Variants in NACC2 observed in about 807,000 individuals in gnomAD.
The protein encoded by NACC2 is NACC family member 2.
NACC2 carries 8 observed loss-of-function variants against 25.1 expected under a neutral mutation model. The ratio of observed to expected loss-of-function variants is 0.32; its 90% CI spans 0.19 to 0.57. NACC2 has a LOEUF of 0.57. Among genes scored for constraint, NACC2 ranks in the 20% least tolerant of loss-of-function variants. The pLI is 0.89. For missense variants in NACC2, 644 were observed against 650.2 expected (o/e 0.99, Z 0.10); for synonymous variants, 435 against 294.7 (o/e 1.48, Z -4.88).
intron 2 of NACC2, among the ~76,000 whole-genome samples, chr9:136,048,998 C>T (rs1344095828): frequency 1.3e-5 from 2 of 152,338 alleles, no homozygotes; most frequent in South Asian, 2.1e-4. Context: ...GACACCCGAT[C>T]CTGGGCACCA....
chr9:136,027,278 G>A (rs1840406707), intron 2 of NACC2, among the ~76,000 whole-genome samples: 2 of 152,120 alleles, frequency 1.3e-5, no homozygotes, highest in African/African-American at 2.4e-5. Flanking sequence ...CAAAACCCAA[G>A]AGAAAACCTC....
In NACC2 at chr9:136,007,631, C is replaced by G. The variant is rs1840044488; in HGVS notation, c.*3885G>C. On this transcript the variant is annotated 3_prime_UTR_variant, in exon 6 of 6. Transcript: ENST00000277554. ...ACATGACAAAAGTATGCAGCAGCAA[C>G]ATTCTGAAACAGTAGTTACAGCTGA... The G allele has an allele frequency of 6.6e-6, 1 of 152,260 alleles. No individual in the cohort carries two copies. The highest frequency in any genetic ancestry group is 6.5e-5 in the Admixed American group (1 of 15,282). The allele number at this position is 152,260 out of a possible 1,614,324, so 9.4% of individuals were successfully genotyped here.
chr9:136,089,644 C>T (rs1399743401), intron 1 of NACC2, among the ~76,000 whole-genome samples: 1 of 151,906 alleles, frequency 6.6e-6, no homozygotes, highest in Non-Finnish European at 1.5e-5. Context: ...TTGGGGGAGG[C>T]CCTGGGTGAC....
intron 1 of NACC2, among the ~76,000 whole-genome samples, chr9:136,067,944 G>A (rs1199867756): frequency 6.6e-6 from 1 of 152,212 alleles, no homozygotes; most frequent in Non-Finnish European, 1.5e-5. Flanking sequence ...TTACTGTACT[G>A]AATAGCATAG....
In NACC2 at chr9:136,013,902, C is replaced by T. The variant is rs970069365; in HGVS notation, c.1119G>A (p.Lys373=). 1 of 1,612,838 alleles carries T rather than the reference C, an allele frequency of 6.2e-7. No homozygotes were observed. The highest frequency in any genetic ancestry group is 1.3e-5 in the African/African-American group (1 of 74,930). The change falls in exon 4 of 6, where the codon AAG becomes AAA. Residue 373 remains lysine (K), a synonymous_variant. Transcript: ENST00000277554. This position sits in a 1 kb window ranked among gnomAD's most constrained non-coding sequence, Gnocchi z 6.6. Reference sequence around the variant, plus strand: ...TGGCCAGGAGCCTCCGCAGCAAGACCTTATGCTTCACCCCTGCACACAGGT... The same window carrying T: ...TGGCCAGGAGCCTCCGCAGCAAGACTTTATGCTTCACCCCTGCACACAGGT... The part of the protein sequence containing the change: ...NCHLCAGVKH[K]VLLRRLLATF...
chr9:136,038,636 A>G (rs950700046), intron 2 of NACC2, among the ~76,000 whole-genome samples: 15 of 152,378 alleles, frequency 9.8e-5, no homozygotes, highest in Admixed American at 2.0e-4. Context: ...TTAAAAATGG[A>G]AAAAGATTAC....
Position 136,049,717 on chromosome 9 carries a change from C to T in NACC2, c.805G>A (p.Glu269Lys). Reference protein sequence around the residue: ...SPTSYHNEEDEEDDEAYDTMV... With the variant: ...SPTSYHNEEDKEDDEAYDTMV... ...GTGTCGTAGGCCTCGTCGTCCTCCT[C>T]GTCCTCCTCGTTGTGGTACGAGGTG... The change falls in exon 2 of 6, where the codon GAG (glutamate) becomes AAG (lysine). Residue 269 changes from glutamate (E) to lysine (K), a missense_variant. Physicochemically the swap from Glu to Lys is moderately conservative, Grantham distance 56 (BLOSUM62 1). Transcript: ENST00000277554. 2 of 779,348 alleles carry T rather than the reference C, an allele frequency of 2.6e-6. No homozygotes were observed. Among genetic ancestry groups the T allele is most frequent in the South Asian group, 1.3e-5 (1 of 74,518 alleles). 48.3% of individuals were successfully genotyped at this position (779,348 alleles called of 1,614,324 possible).
intron 1 of NACC2, among the ~76,000 whole-genome samples, chr9:136,075,784 CAG>C (rs1183023605): frequency 1.3e-5 from 2 of 152,216 alleles, no homozygotes; most frequent in East Asian, 3.8e-4. Context: ...ACCTCAGAGA[CAG>C]GGGTCTTGGG....
intron 2 of NACC2, among the ~76,000 whole-genome samples, chr9:136,024,136 A>AGAGT (rs1840338955): frequency 7.5e-6 from 1 of 134,164 alleles, no homozygotes; most frequent in African/African-American, 3.0e-5. Context: ...GTGTGAGGAC[A>AGAGT]GTGTGTGTGT....
Position 136,018,901 on chromosome 9 carries a change from C to T in NACC2, c.887-2472G>A, listed in dbSNP as rs562750200. ...AAGAGTTCACCAACAGAAATAATTC[C>T]CCATCCACAACCACCTCGTCTCGAG... On this transcript the variant is annotated intron_variant, in intron 2 of 5. Transcript: ENST00000277554. This position sits in a 1 kb window ranked among gnomAD's most constrained non-coding sequence, Gnocchi z 4.4. Among the ~76,000 whole-genome samples, 2 of 152,246 alleles carry T rather than the reference C, an allele frequency of 1.3e-5. No homozygotes were observed. The highest frequency in any genetic ancestry group is 1.3e-4 in the Admixed American group (2 of 15,298).
chr9:136,052,086 G>T (rs1044458879), intron 1 of NACC2, among the ~76,000 whole-genome samples: 1 of 152,238 alleles, frequency 6.6e-6, no homozygotes, highest in Non-Finnish European at 1.5e-5. Flanking sequence ...TTTGATTTGG[G>T]AGCCGAAGTA....
At chr9:136,067,083 C>CT (rs999696197) in intron 1 of NACC2, among the ~76,000 whole-genome samples, 5 of 152,070 alleles carry the variant, frequency 3.3e-5, no homozygotes, top group African/African-American at 9.6e-5. Context: ...GTCGAAACCC[C>CT]GTCTCTACTA....
rs1588574168 is a variant in NACC2 at position 136,055,952 on chromosome 9, A to G, written c.-59-5372T>C. ...GGTGCTCTGGAGTCAGCAGGAGCAC[A>G]GGGGGTGTTAGGAATACAGTCTGGG... On this transcript the variant is annotated intron_variant, in intron 1 of 5. Coordinates refer to ENST00000277554, the MANE Select transcript of NACC2 (RefSeq NM_144653.5). This position sits in a 1 kb window ranked among gnomAD's most constrained non-coding sequence, Gnocchi z 4.9. 6.6e-6 allele frequency among the ~76,000 whole-genome samples: 1 copy of G among 152,166 alleles called. No individual in the cohort carries two copies. The highest frequency in any genetic ancestry group is 2.4e-5 in the African/African-American group (1 of 41,436).
intron 2 of NACC2, among the ~76,000 whole-genome samples, chr9:136,044,374 G>A (rs968236644): frequency 2.0e-5 from 3 of 152,284 alleles, no homozygotes; most frequent in African/African-American, 7.2e-5. Context: ...AATTAGCTGG[G>A]CATAGCGGCA....
chr9:136,085,137 A>ATTTTTTTTT lies in NACC2; in HGVS notation c.-60+10043_-60+10051dup, dbSNP rs913472378. ...AACATAGGAAGACTCCATTTCTACA[A>ATTTTTTTTT]TTTTTTTTTTTTTTTTTTTTTTTTT... On this transcript the variant is annotated intron_variant, in intron 1 of 5. Coordinates refer to ENST00000277554, the MANE Select transcript of NACC2 (RefSeq NM_144653.5). Among the ~76,000 whole-genome samples, 11 of 82,790 alleles carry ATTTTTTTTT rather than the reference A, an allele frequency of 1.3e-4. 1 individual carries two copies. Among genetic ancestry groups the ATTTTTTTTT allele is most frequent in the East Asian group, 4.1e-4 (1 of 2,468 alleles). 54.3% of individuals were successfully genotyped at this position (82,790 alleles called of 152,430 possible). A position where few individuals can be genotyped will look rare whatever the true frequency, so the allele number is the denominator to read the frequency against.
At position 136,013,404 on chromosome 9, in the gene NACC2, T is replaced by C; in HGVS notation, c.1158-108A>G. 2.0e-6 allele frequency: 2 copies of C among 979,786 alleles called. No homozygotes were observed. Among genetic ancestry groups the C allele is most frequent in the South Asian group, 1.5e-5 (1 of 67,372 alleles). The allele number at this position is 979,786 out of a possible 1,614,324, so 60.7% of individuals were successfully genotyped here. A position where few individuals can be genotyped will look rare whatever the true frequency, so the allele number is the denominator to read the frequency against. Reference sequence around the variant, plus strand: ...CTGGGAGGCCACTTGGCCTCACCCTTGGCTGGTCTGCGTGTGTCCCAGTGG... The same window carrying C: ...CTGGGAGGCCACTTGGCCTCACCCTCGGCTGGTCTGCGTGTGTCCCAGTGG... On this transcript the variant is annotated intron_variant, in intron 4 of 5. Coordinates refer to ENST00000277554, the MANE Select transcript of NACC2 (RefSeq NM_144653.5). The surrounding 1 kb of genome is among the most constrained non-coding windows in gnomAD (Gnocchi z 6.6).
At chr9:136,083,941 G>T (rs1830352265) in intron 1 of NACC2, among the ~76,000 whole-genome samples, 1 of 152,116 alleles carries the variant, frequency 6.6e-6, no homozygotes, top group African/African-American at 2.4e-5. Context: ...TGCAGTCAAA[G>T]CTGAGAAAGC....
rs1305845535 is a variant in NACC2 at position 136,007,155 on chromosome 9, C to T, written c.*4361G>A. On this transcript the variant is annotated 3_prime_UTR_variant, in exon 6 of 6. Coordinates refer to ENST00000277554, the MANE Select transcript of NACC2 (RefSeq NM_144653.5). ...TTGACATAAAAATCACAATCGTGTA[C>T]GATGCTAACAATGGAAGCGACTGAT... 6.5e-6 allele frequency: 1 copy of T among 154,358 alleles called. No individual in the cohort carries two copies. Among genetic ancestry groups the T allele is most frequent in the African/African-American group, 2.4e-5 (1 of 41,510 alleles). The allele number at this position is 154,358 out of a possible 1,614,324, so 9.6% of individuals were successfully genotyped here.
intron 1 of NACC2, among the ~76,000 whole-genome samples, chr9:136,087,977 T>G (rs1830396326): frequency 6.6e-6 from 1 of 152,072 alleles, no homozygotes; most frequent in East Asian, 1.9e-4. Context: ...ACCTGGGGAC[T>G]CTGCTGGGAA....
Sources: gnomAD v4.1 joint callset for allele counts (sites outside exome capture counted in the v4.1 genomes callset) on GRCh38, gnomAD v4.1.1 for gene constraint, Gnocchi (gnomAD v3.1) non-coding constraint, MANE v1.5 for transcripts, NCBI Gene and HGNC (gene_info 2026-07-23, HGNC 2026-07-21) for gene names.